The following ADGRG6 variants were observed in gnomAD, a reference collection of about 807,000 sequenced individuals.
ADGRG6 encodes G-protein coupled receptor 126.
A neutral mutation model predicts 142.4 loss-of-function variants in ADGRG6; 84 were observed. That is an observed-to-expected ratio of 0.59 (90% CI 0.49 to 0.71). The LOEUF is 0.71. Ranked by LOEUF, ADGRG6 falls within the 30% of genes least tolerant of loss-of-function variation. The pLI, the probability that ADGRG6 is intolerant of heterozygous loss-of-function variation, is 0.00. For synonymous variants in ADGRG6, 521 were observed against 520.5 expected, an observed-to-expected ratio of 1.00 and a Z score of -0.01; for missense variants, 1,367 against 1,466.6, an observed-to-expected ratio of 0.93 and a Z score of 1.11.
intron 2 of ADGRG6, among the ~76,000 whole-genome samples, chr6:142,320,809 T>G (rs1336009672): frequency 6.6e-6 from 1 of 152,044 alleles, no homozygotes; most frequent in Non-Finnish European, 1.5e-5. Flanking sequence ...AATACACCAT[T>G]AAGTTGAAAA....
At chr6:142,409,739 A>G in intron 16 of ADGRG6, 135 bp from the exon 17 acceptor site, 1 of 491,744 alleles carries the variant, frequency 2.0e-6, no homozygotes, top group South Asian at 3.8e-5. Context: ...TAAATTGCCT[A>G]CATTTTCAGG....
chr6:142,409,755 T>C (rs1197451113), intron 16 of ADGRG6, 119 bp from the exon 17 acceptor site: 2 of 498,336 alleles, frequency 4.0e-6, no homozygotes, highest in East Asian at 6.6e-5. Context: ...TCAGGTTGAA[T>C]TGGCATGTTA....
intron 1 of ADGRG6, among the ~76,000 whole-genome samples, chr6:142,305,544 T>G (rs1327027494): frequency 6.6e-6 from 1 of 152,098 alleles, no homozygotes. Context: ...ATTGAAATTT[T>G]AAAGATATTT....
chr6:142,388,136 C>T (rs1179243048), intron 6 of ADGRG6, among the ~76,000 whole-genome samples: 1 of 152,184 alleles, frequency 6.6e-6, no homozygotes, highest in Non-Finnish European at 1.5e-5. Context: ...CAAAACCCTG[C>T]TCATCAGCCC....
At chr6:142,435,038 C>G (rs182034117) in intron 22 of ADGRG6, among the ~76,000 whole-genome samples, 19 of 152,154 alleles carry the variant, frequency 1.2e-4, no homozygotes, top group Admixed American at 1.2e-3. Context: ...AAGACTTTTT[C>G]CCACTTTTTC....
chr6:142,439,032 T>G (rs1427316578), intron 24 of ADGRG6, among the ~76,000 whole-genome samples: 2 of 152,016 alleles, frequency 1.3e-5, no homozygotes, highest in African/African-American at 2.4e-5. Flanking sequence ...ATGCCTGGAG[T>G]CCCAGCTGCT....
At chr6:142,405,463 A>G (rs1212658324) in intron 14 of ADGRG6, 12 of 636,832 alleles carry the variant, frequency 1.9e-5, no homozygotes, top group South Asian at 1.1e-4. Context: ...ATTAAAATCA[A>G]TGCATTTTCT....
In ADGRG6 at chr6:142,355,616, C is replaced by G. The variant is rs141201719; in HGVS notation, c.104-11953C>G. On this transcript the variant is annotated intron_variant, in intron 2 of 24. Transcript: ENST00000367609. ...CTCCAGCGACAGGGAGTGAGGTTTG[C>G]CACCATTCAAACCTCTGGGGGCACT... Among the ~76,000 whole-genome samples, 107 of 152,052 alleles carry G rather than the reference C, an allele frequency of 7.0e-4. 2 individuals are homozygous for G. The East Asian group carries it at 0.015, about 22-fold the overall frequency.
Position 142,415,895 on chromosome 6 carries a change from C to T in ADGRG6, c.2769C>T (p.Ser923=), listed in dbSNP as rs1004847981. 1 of 1,613,548 alleles carries T rather than the reference C, an allele frequency of 6.2e-7. No individual in the cohort carries two copies. The highest frequency in any genetic ancestry group is 1.7e-5 in the Admixed American group (1 of 59,950). ...LLFLLDGWIT[S]FNVDGLCIAV... ...TCCTCCTAGATGGCTGGATCACCTC[C>T]TTCAATGTGGATGGACTTTGCATTG... The change falls in exon 20 of 25, where the codon TCC becomes TCT. Residue 923 remains serine (S), a synonymous_variant. Transcript: ENST00000367609.
At position 142,302,232 on chromosome 6, in the gene ADGRG6, C is replaced by T. The variant is rs532676968; in HGVS notation, c.-98C>T. The T allele has an allele frequency of 7.0e-7, 1 of 1,422,822 alleles. No individual in the cohort carries two copies. The highest frequency in any genetic ancestry group is 1.4e-5 in the African/African-American group (1 of 70,776). The allele number at this position is 1,422,822 out of a possible 1,614,324, so 88.1% of individuals were successfully genotyped here. Reference sequence around the variant, plus strand: ...GTCCCGCCGCGGCGCAGGGCTGGGGCGCCTGGGTTCCCCCTGGGTGGAGCA... The same window carrying T: ...GTCCCGCCGCGGCGCAGGGCTGGGGTGCCTGGGTTCCCCCTGGGTGGAGCA... On this transcript the variant is annotated 5_prime_UTR_variant, in exon 1 of 25. Transcript: ENST00000367609.
intron 14 of ADGRG6, chr6:142,404,260 G>C (rs1775683935): frequency 2.8e-6 from 1 of 353,950 alleles, no homozygotes; most frequent in African/African-American, 2.2e-5. Flanking sequence ...CATCAGTTCA[G>C]TTAGAGGAAA....
chr6:142,306,142 G>A (rs775798365), intron 1 of ADGRG6, among the ~76,000 whole-genome samples: 12 of 152,090 alleles, frequency 7.9e-5, no homozygotes, highest in East Asian at 1.9e-4. Flanking sequence ...CATTAGTATC[G>A]TATCAATTTC....
intron 2 of ADGRG6, among the ~76,000 whole-genome samples, chr6:142,312,954 G>A (rs1017275787): frequency 1.3e-5 from 2 of 151,970 alleles, no homozygotes; most frequent in African/African-American, 4.8e-5. Flanking sequence ...CAGGCACTGT[G>A]GCTCACACCT....
chr6:142,303,881 A>G (rs1379718752), intron 1 of ADGRG6, among the ~76,000 whole-genome samples: 1 of 152,202 alleles, frequency 6.6e-6, no homozygotes, highest in East Asian at 1.9e-4. Context: ...TATATAGTCC[A>G]TTTGAATTCT....
In ADGRG6 at chr6:142,391,361, A is replaced by G. The variant is rs533021121; in HGVS notation, c.1308+1018A>G. Among the ~76,000 whole-genome samples the G allele has an allele frequency of 3.5e-4, 53 of 151,046 alleles. 3 individuals carry two copies. In the South Asian group the frequency reaches 0.011, roughly 31 times the overall value. On this transcript the variant is annotated intron_variant, in intron 7 of 24. Coordinates refer to ENST00000367609, the MANE Select transcript of ADGRG6 (RefSeq NM_198569.3). ...TCTGAAATAAGAAAAATGGGTTTTCATATATATTTGGTGTTTGATAAACGT... is the reference window on the plus strand; with the variant it reads ...TCTGAAATAAGAAAAATGGGTTTTCGTATATATTTGGTGTTTGATAAACGT...
At chr6:142,325,231 T>C (rs1001647410) in intron 2 of ADGRG6, among the ~76,000 whole-genome samples, 1 of 152,148 alleles carries the variant, frequency 6.6e-6, no homozygotes, top group East Asian at 1.9e-4. Context: ...TCCTGTCTTT[T>C]CTTGACCCAA....
chr6:142,399,097 A>G (rs970911788), intron 10 of ADGRG6, among the ~76,000 whole-genome samples: 3 of 152,206 alleles, frequency 2.0e-5, no homozygotes, highest in Non-Finnish European at 2.9e-5. Flanking sequence ...TATGATTGCA[A>G]TTATACTGTG....
Position 142,409,889 on chromosome 6 carries a change from A to T in ADGRG6, c.2404A>T (p.Ile802Phe). 1 of 1,491,248 alleles carries T rather than the reference A, an allele frequency of 6.7e-7. No homozygotes were observed. The highest frequency in any genetic ancestry group is 9.2e-7 in the Non-Finnish European group (1 of 1,081,284). 92.4% of individuals were successfully genotyped at this position (1,491,248 alleles called of 1,614,324 possible). A position where few individuals can be genotyped will look rare whatever the true frequency, so the allele number is the denominator to read the frequency against. ...HTRTQEVHHPICAFWDLNKNK... is the reference protein window; with the variant it reads ...HTRTQEVHHPFCAFWDLNKNK... ...GTTAATATAGGAAGTGCATCATCCC[A>T]TCTGTGCCTTCTGGGATCTGAACAA... The change falls in exon 17 of 25, where the codon ATC becomes TTC. Residue 802 changes from isoleucine (I) to phenylalanine (F), a missense_variant. Ile to Phe is a conservative substitution (Grantham distance 21). Around this residue, in one of 3 missense-constraint regions of ADGRG6, gnomAD observed 286 missense variants for 371.4 expected, o/e 0.77. Transcript: ENST00000367609.
chr6:142,331,307 A>G (rs1043082770), intron 2 of ADGRG6, among the ~76,000 whole-genome samples: 1 of 151,908 alleles, frequency 6.6e-6, no homozygotes, highest in Non-Finnish European at 1.5e-5. Flanking sequence ...TTTAAAGTGT[A>G]TAGTTCAAAG....
Sources: gnomAD v4.1 joint callset for allele counts (sites outside exome capture counted in the v4.1 genomes callset) on GRCh38, gnomAD v4.1.1 for gene constraint, gnomAD v4.1.1 regional missense constraint, MANE v1.5 for transcripts, NCBI Gene and HGNC (gene_info 2026-07-23, HGNC 2026-07-21) for gene names.